The following PABPC4L variants were observed in gnomAD, a reference collection of about 807,000 sequenced individuals.
The protein encoded by PABPC4L is poly(A) binding protein cytoplasmic 4 like.
For synonymous variants in PABPC4L, 169 were observed against 164.1 expected (o/e 1.03, Z -0.23); for missense variants, 452 against 451.4 (o/e 1.00, Z -0.01).
At chr4:134,161,444 T>TAGAATATA in the PABPC4L span, among the ~76,000 whole-genome samples, 1 of 151,728 alleles carries the variant, frequency 6.6e-6, no homozygotes, top group Non-Finnish European at 1.5e-5. Context: ...AGAAAACAAA[T>TAGAATATA]AGAATATAAA....
chr4:133,969,411 T>TC, the PABPC4L span, among the ~76,000 whole-genome samples: 1 of 129,872 alleles, frequency 7.7e-6, no homozygotes, highest in Non-Finnish European at 1.7e-5. Flanking sequence ...CAGGCCTGTG[T>TC]CGGCACATGG....
At chr4:133,999,889 G>T in the PABPC4L span, among the ~76,000 whole-genome samples, 2 of 151,946 alleles carry the variant, frequency 1.3e-5, no homozygotes, top group Non-Finnish European at 2.9e-5. Context: ...TTTTTAAATG[G>T]ATTTTATTAA....
At chr4:134,052,081 T>C in the PABPC4L span, among the ~76,000 whole-genome samples, 1 of 152,076 alleles carries the variant, frequency 6.6e-6, no homozygotes, top group Non-Finnish European at 1.5e-5. Flanking sequence ...TGTGGCACCA[T>C]GGATATAGGG....
chr4:134,099,983 C>A, the PABPC4L span, among the ~76,000 whole-genome samples: 1 of 151,642 alleles, frequency 6.6e-6, no homozygotes, highest in Non-Finnish European at 1.5e-5. Context: ...GTATTATCCC[C>A]CATTTCTATC....
At chr4:134,142,568 A>T in the PABPC4L span, among the ~76,000 whole-genome samples, 263 of 151,624 alleles carry the variant, frequency 1.7e-3, no homozygotes, top group Non-Finnish European at 2.7e-3. Context: ...CCTCATATAA[A>T]TTTTTTTTAA....
chr4:134,137,213 C>A, the PABPC4L span, among the ~76,000 whole-genome samples: 1 of 151,894 alleles, frequency 6.6e-6, no homozygotes, highest in African/African-American at 2.4e-5. Context: ...TGCATAAGTT[C>A]TTTCCACTAA....
At chr4:134,073,905 G>T in the PABPC4L span, among the ~76,000 whole-genome samples, 2 of 152,154 alleles carry the variant, frequency 1.3e-5, no homozygotes, top group African/African-American at 4.8e-5. Flanking sequence ...TCCCGAGGCT[G>T]CACAGAGCAG....
the PABPC4L span, among the ~76,000 whole-genome samples, chr4:133,987,121 T>TTTG: frequency 1.2e-4 from 18 of 152,040 alleles, no homozygotes; most frequent in African/African-American, 3.6e-4. Context: ...AAAGGTTAGT[T>TTTG]TTGTTGTTGT....
chr4:134,087,456 T>C, the PABPC4L span, among the ~76,000 whole-genome samples: 3 of 152,136 alleles, frequency 2.0e-5, no homozygotes, highest in Admixed American at 2.0e-4. Flanking sequence ...CAAAATCCTA[T>C]ATATAAACTT....
chr4:134,072,278 T>C, the PABPC4L span, among the ~76,000 whole-genome samples: 1 of 152,178 alleles, frequency 6.6e-6, no homozygotes, highest in Non-Finnish European at 1.5e-5. Context: ...TATGAATGAA[T>C]GTTTCCTGGC....
At chr4:134,079,174 A>T in the PABPC4L span, among the ~76,000 whole-genome samples, 2 of 149,322 alleles carry the variant, frequency 1.3e-5, no homozygotes, top group Non-Finnish European at 3.0e-5. Context: ...GTTTCACCAT[A>T]TTGGCCAGGC....
At chr4:133,981,613 A>G in the PABPC4L span, among the ~76,000 whole-genome samples, 1 of 152,102 alleles carries the variant, frequency 6.6e-6, no homozygotes. Context: ...TGTTTCTTTT[A>G]GATTACAATG....
chr4:134,138,766 T>C, the PABPC4L span, among the ~76,000 whole-genome samples: 1 of 151,818 alleles, frequency 6.6e-6, no homozygotes, highest in Non-Finnish European at 1.5e-5. Context: ...TCCTTTAAAA[T>C]AAATAATAAA....
the PABPC4L span, among the ~76,000 whole-genome samples, chr4:134,142,674 T>C: frequency 6.6e-6 from 1 of 151,502 alleles, no homozygotes; most frequent in Non-Finnish European, 1.5e-5. Flanking sequence ...GCCTGCCAAA[T>C]GATTATTGGT....
At chr4:134,133,307 A>C in the PABPC4L span, among the ~76,000 whole-genome samples, 3 of 141,368 alleles carry the variant, frequency 2.1e-5, no homozygotes, top group African/African-American at 5.2e-5. Context: ...AATTATATAC[A>C]AATACATAAT....
chr4:134,079,917 T>A, the PABPC4L span, among the ~76,000 whole-genome samples: 1,045 of 151,486 alleles, frequency 6.9e-3, 13 homozygotes, highest in African/African-American at 0.022. Flanking sequence ...TTTAAAAAAA[T>A]TTTTTTTTGG....
At chr4:134,118,212 G>C in the PABPC4L span, among the ~76,000 whole-genome samples, 4 of 151,898 alleles carry the variant, frequency 2.6e-5, no homozygotes, top group African/African-American at 9.6e-5. Flanking sequence ...TCATAAGTAG[G>C]TTAAAATGCC....
chr4:133,962,952 G>T, the PABPC4L span, among the ~76,000 whole-genome samples: 1 of 151,764 alleles, frequency 6.6e-6, no homozygotes, highest in Non-Finnish European at 1.5e-5. Context: ...AGATATACAG[G>T]CAACAAATAT....
chr4:133,952,704 A>T, the PABPC4L span, among the ~76,000 whole-genome samples: 21 of 152,084 alleles, frequency 1.4e-4, no homozygotes, highest in Non-Finnish European at 2.9e-4. Context: ...GAGGGGATTA[A>T]TTTTACTTTT....
Sources: gnomAD v4.1 joint callset for allele counts (sites outside exome capture counted in the v4.1 genomes callset) on GRCh38, gnomAD v4.1.1 for gene constraint, MANE v1.5 for transcripts, NCBI Gene and HGNC (gene_info 2026-07-23, HGNC 2026-07-21) for gene names.